Variants in ZBTB7A observed in about 807,000 individuals in gnomAD.
The protein encoded by ZBTB7A is zinc finger and BTB domain containing 7A, also known as zinc finger and BTB domain-containing protein 7A.
A neutral mutation model predicts 26.7 loss-of-function variants in ZBTB7A; 7 were observed. That is an observed-to-expected ratio of 0.26 (90% CI 0.15 to 0.49). The LOEUF (loss-of-function observed/expected upper bound fraction) is 0.49. ZBTB7A is among the 20% of genes least tolerant of loss of function. The pLI, the probability that ZBTB7A is intolerant of heterozygous loss-of-function variation, is 0.98. For missense variants in ZBTB7A, 617 were observed against 919.5 expected, an observed-to-expected ratio of 0.67 and a Z score of 4.25; for synonymous variants, 452 against 441.0, an observed-to-expected ratio of 1.02 and a Z score of -0.31.
At chr19:4,055,295 G>A in intron 1 of ZBTB7A, 48 bp from the exon 2 acceptor site, 1 of 1,432,418 alleles carries the variant, frequency 7.0e-7, no homozygotes, top group Non-Finnish European at 9.1e-7. Context: ...GGGTGCGGGG[G>A]TTCCTGTGCC....
chr19:4,043,948 C>CT lies in ZBTB7A; in HGVS notation c.*3803dup, dbSNP rs1217073437. Reference sequence around the variant, plus strand: ...TCTTTCTCAAAAAATAGGATTTTTGCTTTTTTTGTTGGTTTTTAATATTTT... The same window carrying CT: ...TCTTTCTCAAAAAATAGGATTTTTGCTTTTTTTTGTTGGTTTTTAATATTTT... On this transcript the variant is annotated 3_prime_UTR_variant, in exon 3 of 3. Transcript: ENST00000322357. 6.8e-6 allele frequency among the ~76,000 whole-genome samples: 1 copy of CT among 148,060 alleles called. No individual in the cohort carries two copies. Among genetic ancestry groups the CT allele is most frequent in the African/African-American group, 2.5e-5 (1 of 39,630 alleles).
Position 4,047,949 on chromosome 19 carries a change from C to T in ZBTB7A, c.1558G>A (p.Ala520Thr). 7.7e-6 allele frequency: 10 copies of T among 1,303,718 alleles called. No individual in the cohort carries two copies. Among genetic ancestry groups the T allele is most frequent in the Non-Finnish European group, 5.9e-6 (6 of 1,014,418 alleles). The allele number at this position is 1,303,718 out of a possible 1,614,324, so 80.8% of individuals were successfully genotyped here. ...PSPGATATPG[A>T]PAQPSSPDAR... Reference sequence around the variant, plus strand: ...TCGGGGGAGCTGGGCTGGGCGGGGGCGCCGGGGGTCGCGGTGGCCCCCGGG... The same window carrying T: ...TCGGGGGAGCTGGGCTGGGCGGGGGTGCCGGGGGTCGCGGTGGCCCCCGGG... Residue 520 changes from alanine (A) to threonine (T), a missense_variant, in exon 3 of 3, where the codon GCC becomes ACC. Around this residue, in one of 5 missense-constraint regions of ZBTB7A, gnomAD observed 136 missense variants for 126.6 expected, o/e 1.07. Coordinates refer to ENST00000322357, the MANE Select transcript of ZBTB7A (RefSeq NM_015898.4).
chr19:4,065,166 G>T (rs551106456), intron 1 of ZBTB7A, among the ~76,000 whole-genome samples: 46 of 151,684 alleles, frequency 3.0e-4, no homozygotes, highest in Admixed American at 2.4e-3. Context: ...GGGAAAGGAG[G>T]GGGGGTCCGG....
chr19:4,056,681 GAC>G (rs1176860561), intron 1 of ZBTB7A, among the ~76,000 whole-genome samples: 4 of 152,072 alleles, frequency 2.6e-5, no homozygotes, highest in African/African-American at 9.7e-5. Context: ...CATCCTGGCT[GAC>G]ACAGTGAAAC....
chr19:4,060,249 G>A (rs761077072), intron 1 of ZBTB7A, among the ~76,000 whole-genome samples: 13 of 152,154 alleles, frequency 8.5e-5, no homozygotes, highest in Admixed American at 1.3e-4. Context: ...TAGGGGCGCA[G>A]CAAACCGCCG....
Position 4,046,573 on chromosome 19 carries a change from CTTTT to C in ZBTB7A, c.*1175_*1178del, listed in dbSNP as rs576718878. 2 of 139,614 alleles carry C rather than the reference CTTTT, an allele frequency of 1.4e-5. No individual in the cohort carries two copies. The highest frequency in any genetic ancestry group is 2.7e-5 in the African/African-American group (1 of 37,670). The allele number at this position is 139,614 out of a possible 1,614,324, so 8.6% of individuals were successfully genotyped here. A position where few individuals can be genotyped will look rare whatever the true frequency, so the allele number is the denominator to read the frequency against. ...CAAGACTTCTAATGTGGTTGGTTGCCTTTTTTTTTTTCCTTCCTTTCATTTTGTA... is the reference window on the plus strand; with the variant it reads ...CAAGACTTCTAATGTGGTTGGTTGCCTTTTTTTCCTTCCTTTCATTTTGTA... On this transcript the variant is annotated 3_prime_UTR_variant, in exon 3 of 3. Transcript: ENST00000322357.
intron 1 of ZBTB7A, among the ~76,000 whole-genome samples, chr19:4,064,529 C>T (rs1160969079): frequency 6.6e-6 from 1 of 152,274 alleles, no homozygotes; most frequent in African/African-American, 2.4e-5. Flanking sequence ...AGCCTGGCCT[C>T]CCCGGGACCT....
In ZBTB7A at chr19:4,048,953, CG is replaced by C. The variant is rs973192688; in HGVS notation, c.1263-710del. On this transcript the variant is annotated intron_variant, in intron 2 of 2. Transcript: ENST00000322357. This position sits in a 1 kb window ranked among gnomAD's most constrained non-coding sequence, Gnocchi z 6.7. ...AGATCACGCCACTGCCCTCCAACCT[CG>C]GTGACAGAATGAGACTGTCTCCAAA... 7.1e-6 allele frequency among the ~76,000 whole-genome samples: 1 copy of C among 140,822 alleles called. No homozygotes were observed. The highest frequency in any genetic ancestry group is 2.6e-5 in the African/African-American group (1 of 38,072). The allele number at this position is 140,822 out of a possible 152,430, so 92.4% of individuals were successfully genotyped here.
At chr19:4,060,255 C>T (rs970042744) in intron 1 of ZBTB7A, among the ~76,000 whole-genome samples, 1 of 152,038 alleles carries the variant, frequency 6.6e-6, no homozygotes, top group African/African-American at 2.4e-5. Flanking sequence ...CGCAGCAAAC[C>T]GCCGGATAAA....
At position 4,054,163 on chromosome 19, in the gene ZBTB7A, C is replaced by A; in HGVS notation, c.1070G>T (p.Ser357Ile). Residue 357 changes from serine (S) to isoleucine (I), a missense_variant, in exon 2 of 3, where the codon AGC (serine) becomes ATC (isoleucine). This residue lies in a region of ZBTB7A where 331 missense variants were observed against 391.3 expected (regional missense o/e 0.85). Coordinates refer to ENST00000322357, the MANE Select transcript of ZBTB7A (RefSeq NM_015898.4). ...GVMDYYLKYF[S>I]GAHDGDVYPA... ...GTAGACGTCGCCGTCGTGGGCGCCG[C>A]TGAAGTACTTCAGGTAGTAGTCCAT... 1 of 1,601,780 alleles carries A rather than the reference C, an allele frequency of 6.2e-7. No individual in the cohort carries two copies. The highest frequency in any genetic ancestry group is 8.5e-7 in the Non-Finnish European group (1 of 1,179,548).
In ZBTB7A at chr19:4,054,410, C is replaced by A; in HGVS notation, c.823G>T (p.Gly275Cys). ...AGCGAGGCGGCCTCCTCCTCTCCGC[C>A]GCGGCCGTAGTGGCCGTTCTGCGTG... The part of the protein sequence containing the change: ...AATQNGHYGR[G>C]GEEEAASLSE... Residue 275 changes from glycine (G) to cysteine (C), a missense_variant, in exon 2 of 3, where the codon GGC becomes TGC. Gly to Cys is a radical substitution (Grantham distance 159). Coordinates refer to ENST00000322357, the MANE Select transcript of ZBTB7A (RefSeq NM_015898.4). 1 of 1,383,930 alleles carries A rather than the reference C, an allele frequency of 7.2e-7. No individual in the cohort carries two copies. Among genetic ancestry groups the A allele is most frequent in the Non-Finnish European group, 9.3e-7 (1 of 1,080,148 alleles). The allele number at this position is 1,383,930 out of a possible 1,614,324, so 85.7% of individuals were successfully genotyped here. A position where few individuals can be genotyped will look rare whatever the true frequency, so the allele number is the denominator to read the frequency against.
chr19:4,045,732 G>A lies in ZBTB7A; in HGVS notation c.*2020C>T, dbSNP rs1309923730. ...ATGCTAGCATTGCATATGCAAACGG[G>A]GTGAGGGCGTCCTGGCATCTGGCGA... On this transcript the variant is annotated 3_prime_UTR_variant, in exon 3 of 3. Coordinates refer to ENST00000322357, the MANE Select transcript of ZBTB7A (RefSeq NM_015898.4). This position sits in a 1 kb window ranked among gnomAD's most constrained non-coding sequence, Gnocchi z 4.1. 5.0e-6 allele frequency: 2 copies of A among 396,446 alleles called. No individual in the cohort carries two copies. Among genetic ancestry groups the A allele is most frequent in the Non-Finnish European group, 8.9e-6 (2 of 225,232 alleles). The allele number at this position is 396,446 out of a possible 1,614,324, so 24.6% of individuals were successfully genotyped here.
At position 4,048,353 on chromosome 19, in the gene ZBTB7A, C is replaced by G; in HGVS notation, c.1263-109G>C. ...GCCCTGGATCATCACCCTTGCAGAACACGGACCGTGCACCAGAGGTTTCGG... is the reference window on the plus strand; with the variant it reads ...GCCCTGGATCATCACCCTTGCAGAAGACGGACCGTGCACCAGAGGTTTCGG... On this transcript the variant is annotated intron_variant, in intron 2 of 2. Coordinates refer to ENST00000322357, the MANE Select transcript of ZBTB7A (RefSeq NM_015898.4). This position sits in a 1 kb window ranked among gnomAD's most constrained non-coding sequence, Gnocchi z 6.7. 7.3e-7 allele frequency: 1 copy of G among 1,371,764 alleles called. No homozygotes were observed. The highest frequency in any genetic ancestry group is 1.6e-5 in the South Asian group (1 of 60,908). 85.0% of individuals were successfully genotyped at this position (1,371,764 alleles called of 1,614,324 possible). A position where few individuals can be genotyped will look rare whatever the true frequency, so the allele number is the denominator to read the frequency against.
chr19:4,066,741 C>A lies in ZBTB7A; in HGVS notation c.-75G>T. ...GCCCGAAGTTGGGACTGGGCTCCCT[C>A]GGCCGCTCGCCTCCGGGGTCCGCGG... On this transcript the variant is annotated 5_prime_UTR_variant, in exon 1 of 3. Coordinates refer to ENST00000322357, the MANE Select transcript of ZBTB7A (RefSeq NM_015898.4). The A allele has an allele frequency of 6.6e-6, 1 of 151,566 alleles. No individual in the cohort carries two copies. The highest frequency in any genetic ancestry group is 1.9e-4 in the South Asian group (1 of 5,282). 9.4% of individuals were successfully genotyped at this position (151,566 alleles called of 1,614,324 possible).
chr19:4,060,198 T>A (rs2040625031), intron 1 of ZBTB7A, among the ~76,000 whole-genome samples: 1 of 151,848 alleles, frequency 6.6e-6, no homozygotes, highest in Admixed American at 6.5e-5. Flanking sequence ...CCCGGGCCAC[T>A]CCCAGGCCCC....
chr19:4,060,281 G>A (rs928910348), intron 1 of ZBTB7A, among the ~76,000 whole-genome samples: 3 of 152,204 alleles, frequency 2.0e-5, no homozygotes, highest in East Asian at 1.9e-4. Flanking sequence ...GACAGCCCAC[G>A]CCCCGGCCCA....
rs1422086060 is a variant in ZBTB7A at position 4,048,413 on chromosome 19, C to T, written c.1263-169G>A. ...GGGGACGGTCCCTCGAAAAACGAGA[C>T]GAGTGGGGGCGATTTCGCATTCTGA... On this transcript the variant is annotated intron_variant, in intron 2 of 2. Transcript: ENST00000322357. This position sits in a 1 kb window ranked among gnomAD's most constrained non-coding sequence, Gnocchi z 6.7. Among the ~76,000 whole-genome samples the T allele has an allele frequency of 1.3e-5, 2 of 152,202 alleles. No homozygotes were observed. The highest frequency in any genetic ancestry group is 2.9e-5 in the Non-Finnish European group (2 of 68,040).
At chr19:4,058,323 C>T (rs1257733805) in intron 1 of ZBTB7A, among the ~76,000 whole-genome samples, 1 of 152,240 alleles carries the variant, frequency 6.6e-6, no homozygotes, top group Non-Finnish European at 1.5e-5. Flanking sequence ...CTGTTCAGCC[C>T]CAGCCAAGGC....
intron 2 of ZBTB7A, among the ~76,000 whole-genome samples, chr19:4,050,865 A>G (rs1004927862): frequency 4.0e-5 from 6 of 151,868 alleles, no homozygotes; most frequent in African/African-American, 1.5e-4. Context: ...TTGGGAGGCT[A>G]AGGCGGGCAG....
Sources: allele counts gnomAD v4.1 joint callset (sites outside exome capture counted in the v4.1 genomes callset), GRCh38; gene constraint gnomAD v4.1.1; regional missense constraint gnomAD v4.1.1; non-coding constraint Gnocchi (gnomAD v3.1); transcripts MANE v1.5; gene names NCBI Gene and HGNC (gene_info 2026-07-23, HGNC 2026-07-21).